The following NEUROD1 variants were observed in gnomAD, a reference collection of about 807,000 sequenced individuals.
The protein encoded by NEUROD1 is neurogenic differentiation factor 1.
A neutral mutation model predicts 21.8 loss-of-function variants in NEUROD1; 9 were observed. The observed-to-expected ratio is 0.41, with a 90% CI of 0.25 to 0.72. The LOEUF is 0.72. NEUROD1 is among the 30% of genes least tolerant of loss of function. The pLI is 0.31. For missense variants in NEUROD1, 434 were observed against 468.8 expected (o/e 0.93, Z 0.69); for synonymous variants, 199 against 186.2 (o/e 1.07, Z -0.56).
In NEUROD1 at chr2:181,679,000, A is replaced by G; in HGVS notation, c.-11-129T>C. On this transcript the variant is annotated intron_variant, in intron 1 of 1. Transcript: ENST00000295108. The surrounding 1 kb of genome is among the most constrained non-coding windows in gnomAD (Gnocchi z 5.5). Reference sequence around the variant, plus strand: ...CTTGCGAAAAGTACCTGCCCATTACAAAATGAATGCCTCTGAGAAAAAGTT... The same window carrying G: ...CTTGCGAAAAGTACCTGCCCATTACGAAATGAATGCCTCTGAGAAAAAGTT... 9.1e-7 allele frequency: 1 copy of G among 1,093,056 alleles called. No homozygotes were observed. Among genetic ancestry groups the G allele is most frequent in the Non-Finnish European group, 1.3e-6 (1 of 761,328 alleles). 67.7% of individuals were successfully genotyped at this position (1,093,056 alleles called of 1,614,324 possible). A position where few individuals can be genotyped will look rare whatever the true frequency, so the allele number is the denominator to read the frequency against.
At chr2:181,679,158 A>G (rs1688654055) in intron 1 of NEUROD1, among the ~76,000 whole-genome samples, 1 of 152,080 alleles carries the variant, frequency 6.6e-6, no homozygotes, top group Non-Finnish European at 1.5e-5. Context: ...CTAGTGATTA[A>G]CTTAAATGTG....
In NEUROD1 at chr2:181,678,222, G is replaced by A. The variant is rs2105594789; in HGVS notation, c.639C>T (p.Ser213=). The stretch of plus-strand genomic sequence containing the variant: ...GGTAGGAGTAGGGGTGTACAGGGAA[G>A]GAAGCGCTGGCCGTCGGCAGGTGGG... ...MPPHLPTASA[S]FPVHPYSYQS... Residue 213 remains serine (S), a synonymous_variant, in exon 2 of 2, where the codon TCC becomes TCT. Transcript: ENST00000295108. This position sits in a 1 kb window ranked among gnomAD's most constrained non-coding sequence, Gnocchi z 5.5. 6.2e-7 allele frequency: 1 copy of A among 1,614,196 alleles called. No homozygotes were observed. The highest frequency in any genetic ancestry group is 1.1e-5 in the South Asian group (1 of 91,082).
At position 181,677,599 on chromosome 2, in the gene NEUROD1, A is replaced by G. The variant is rs1688603509; in HGVS notation, c.*191T>C. 4.1e-6 allele frequency: 4 copies of G among 983,294 alleles called. No homozygotes were observed. The South Asian group carries it at 4.7e-5, about 12-fold the overall frequency. The allele number at this position is 983,294 out of a possible 1,614,324, so 60.9% of individuals were successfully genotyped here. A position where few individuals can be genotyped will look rare whatever the true frequency, so the allele number is the denominator to read the frequency against. On this transcript the variant is annotated 3_prime_UTR_variant, in exon 2 of 2. Coordinates refer to ENST00000295108, the MANE Select transcript of NEUROD1 (RefSeq NM_002500.5). ...ATAGAAGAGCTATAGAAAATAATAC[A>G]TAAGGTGAACAGGAACTTTGATCCC...
At position 181,677,802 on chromosome 2, in the gene NEUROD1, T is replaced by C; in HGVS notation, c.1059A>G (p.Ile353Met). The C allele has an allele frequency of 1.2e-6, 2 of 1,614,084 alleles. No homozygotes were observed. Among genetic ancestry groups the C allele is most frequent in the South Asian group, 2.2e-5 (2 of 91,086 alleles). ...ERVMSAQLNA[I>M]FHD ...AACTGGCGTGCCTCTAATCATGAAA[T>C]ATGGCATTGAGCTGGGCACTCATGA... Residue 353 changes from isoleucine to methionine, a missense_variant, in exon 2 of 2, where the codon ATA becomes ATG. Transcript: ENST00000295108.
At position 181,678,301 on chromosome 2, in the gene NEUROD1, C is replaced by T; in HGVS notation, c.560G>A (p.Cys187Tyr). The T allele has an allele frequency of 6.2e-7, 1 of 1,614,098 alleles. No homozygotes were observed. The highest frequency in any genetic ancestry group is 8.5e-7 in the Non-Finnish European group (1 of 1,179,982). Reference sequence around the variant, plus strand: ...AAAAGTCCGAGGATTGAGTTGCAGGCAGCCCGCAACCAGGTTGGTGGTGGG... The same window carrying T: ...AAAAGTCCGAGGATTGAGTTGCAGGTAGCCCGCAACCAGGTTGGTGGTGGG... The part of the protein sequence containing the change: ...SQPTTNLVAG[C>Y]LQLNPRTFLP... Residue 187 changes from cysteine to tyrosine, a missense_variant, in exon 2 of 2, where the codon TGC becomes TAC. Cys to Tyr is a radical substitution (Grantham distance 194). Coordinates refer to ENST00000295108, the MANE Select transcript of NEUROD1 (RefSeq NM_002500.5). The surrounding 1 kb of genome is among the most constrained non-coding windows in gnomAD (Gnocchi z 5.5).
downstream of NEUROD1, among the ~76,000 whole-genome samples, chr2:181,668,973 C>G (rs1688458292): frequency 6.6e-6 from 1 of 152,166 alleles, no homozygotes; most frequent in Non-Finnish European, 1.5e-5. Context: ...TAAGAATAAA[C>G]TTCTGCTACT....
downstream of NEUROD1, among the ~76,000 whole-genome samples, chr2:181,672,011 C>T (rs1356140304): frequency 6.6e-6 from 1 of 152,038 alleles, no homozygotes; most frequent in Non-Finnish European, 1.5e-5. Flanking sequence ...TTATGAGCTA[C>T]AGTAATTTTA....
chr2:181,673,648 G>C (rs1008739762), downstream of NEUROD1: 1 of 152,158 alleles, frequency 6.6e-6, no homozygotes, highest in Non-Finnish European at 1.5e-5. Flanking sequence ...TTAAGAAGCA[G>C]TTTTGCTATT....
rs1688594830 is a variant in NEUROD1 at position 181,677,167 on chromosome 2, T to C, written c.*623A>G. Reference sequence around the variant, plus strand: ...TTTTTACAATTGGAGAGGAAAGAAGTGCTAAGGCAACACAATAACTTTCTA... The same window carrying C: ...TTTTTACAATTGGAGAGGAAAGAAGCGCTAAGGCAACACAATAACTTTCTA... On this transcript the variant is annotated 3_prime_UTR_variant, in exon 2 of 2. Coordinates refer to ENST00000295108, the MANE Select transcript of NEUROD1 (RefSeq NM_002500.5). The C allele has an allele frequency of 8.1e-6, 1 of 123,530 alleles. No individual in the cohort carries two copies. Among genetic ancestry groups the C allele is most frequent in the Non-Finnish European group, 1.6e-5 (1 of 62,614 alleles). 7.7% of individuals were successfully genotyped at this position (123,530 alleles called of 1,614,324 possible).
downstream of NEUROD1, among the ~76,000 whole-genome samples, chr2:181,674,966 G>A (rs534588670): frequency 9.2e-5 from 14 of 152,278 alleles, no homozygotes; most frequent in South Asian, 2.5e-3. Flanking sequence ...GCATGAAGAT[G>A]TCTAATTTTA....
chr2:181,671,024 T>C lies in NEUROD1; in HGVS notation n.2922A>G, dbSNP rs868235203. ...TACTCAACCAAGTATAGCATATGTGTGCACACACACACACACACACACACA... is the reference window on the plus strand; with the variant it reads ...TACTCAACCAAGTATAGCATATGTGCGCACACACACACACACACACACACA... On this transcript the variant is annotated non_coding_transcript_exon_variant, in exon 2 of 2. Transcript: ENST00000496876. Among the ~76,000 whole-genome samples, 47 of 108,898 alleles carry C rather than the reference T, an allele frequency of 4.3e-4. No individual in the cohort carries two copies. The East Asian group carries it at 6.8e-3, about 16-fold the overall frequency. The allele number at this position is 108,898 out of a possible 152,430, so 71.4% of individuals were successfully genotyped here.
At chr2:181,674,641 G>A (rs1161241070), downstream of NEUROD1, among the ~76,000 whole-genome samples, 1 of 152,108 alleles carries the variant, frequency 6.6e-6, no homozygotes, top group African/African-American at 2.4e-5. Flanking sequence ...AGTGCATGCA[G>A]TTCATTCATG....
downstream of NEUROD1, among the ~76,000 whole-genome samples, chr2:181,674,180 A>G (rs1234015571): frequency 6.6e-6 from 1 of 152,178 alleles, no homozygotes; most frequent in African/African-American, 2.4e-5. Flanking sequence ...AGCTTTTTCT[A>G]GAAATAACTA....
rs1451087379 is a variant in NEUROD1 at position 181,676,468 on chromosome 2, C to T, written c.*1322G>A. On this transcript the variant is annotated 3_prime_UTR_variant, in exon 2 of 2. Transcript: ENST00000295108. Reference sequence around the variant, plus strand: ...TAAGAAGAAATGCAACAATTGCTCTCACTTTCAATACTATTTTATTGCAAC... The same window carrying T: ...TAAGAAGAAATGCAACAATTGCTCTTACTTTCAATACTATTTTATTGCAAC... 1 of 152,644 alleles carries T rather than the reference C, an allele frequency of 6.6e-6. No homozygotes were observed. The highest frequency in any genetic ancestry group is 1.5e-5 in the Non-Finnish European group (1 of 68,018). 9.5% of individuals were successfully genotyped at this position (152,644 alleles called of 1,614,324 possible). A position where few individuals can be genotyped will look rare whatever the true frequency, so the allele number is the denominator to read the frequency against.
At position 181,677,604 on chromosome 2, in the gene NEUROD1, G is replaced by A. The variant is rs1688603640; in HGVS notation, c.*186C>T. On this transcript the variant is annotated 3_prime_UTR_variant, in exon 2 of 2. Coordinates refer to ENST00000295108, the MANE Select transcript of NEUROD1 (RefSeq NM_002500.5). ...AGAGCTATAGAAAATAATACATAAG[G>A]TGAACAGGAACTTTGATCCCCTGTT... The A allele has an allele frequency of 9.8e-7, 1 of 1,015,672 alleles. No homozygotes were observed. Among genetic ancestry groups the A allele is most frequent in the Non-Finnish European group, 1.4e-6 (1 of 692,502 alleles). 62.9% of individuals were successfully genotyped at this position (1,015,672 alleles called of 1,614,324 possible). A position where few individuals can be genotyped will look rare whatever the true frequency, so the allele number is the denominator to read the frequency against.
downstream of NEUROD1, among the ~76,000 whole-genome samples, chr2:181,675,310 T>C (rs1688552764): frequency 6.6e-6 from 1 of 152,242 alleles, no homozygotes; most frequent in Non-Finnish European, 1.5e-5. Flanking sequence ...AAGTATTCCT[T>C]ACTGCTTCTG....
downstream of NEUROD1, among the ~76,000 whole-genome samples, chr2:181,669,966 C>CA (rs1379493281): frequency 6.6e-6 from 1 of 152,004 alleles, no homozygotes; most frequent in African/African-American, 2.4e-5. Flanking sequence ...CTATAAAACC[C>CA]AAAAATAGAG....
chr2:181,678,384 T>C lies in NEUROD1; in HGVS notation c.477A>G (p.Ser159=), dbSNP rs986886986. 10 of 1,614,236 alleles carry C rather than the reference T, an allele frequency of 6.2e-6. No homozygotes were observed. The highest frequency in any genetic ancestry group is 8.5e-6 in the Non-Finnish European group (10 of 1,180,054). Residue 159 remains serine (S), a synonymous_variant, in exon 2 of 2, where the codon TCA becomes TCG. Coordinates refer to ENST00000295108, the MANE Select transcript of NEUROD1 (RefSeq NM_002500.5). The surrounding 1 kb of genome is among the most constrained non-coding windows in gnomAD (Gnocchi z 5.5). ...AGGAGACCAGGTCTGGGCTTTTGCC[T>C]GAGCGCAGGATCTCCGACAGAGCCC... The part of the protein sequence containing the change: ...YIWALSEILR[S]GKSPDLVSFV...
rs201080834 is a variant in NEUROD1 at position 181,677,754 on chromosome 2, G to A, written c.*36C>T. 2 of 1,613,774 alleles carry A rather than the reference G, an allele frequency of 1.2e-6. No homozygotes were observed. The highest frequency in any genetic ancestry group is 2.2e-5 in the East Asian group (1 of 44,890). The stretch of plus-strand genomic sequence containing the variant: ...CACGACAGTCACTGTAAGCACAGTG[G>A]GTTCGTTTCCCGGAAATGGTGAAAC... On this transcript the variant is annotated 3_prime_UTR_variant, in exon 2 of 2. Coordinates refer to ENST00000295108, the MANE Select transcript of NEUROD1 (RefSeq NM_002500.5).
Sources: gnomAD v4.1 joint callset for allele counts (sites outside exome capture counted in the v4.1 genomes callset) on GRCh38, gnomAD v4.1.1 for gene constraint, Gnocchi (gnomAD v3.1) non-coding constraint, MANE v1.5 for transcripts, NCBI Gene and HGNC (gene_info 2026-07-23, HGNC 2026-07-21) for gene names.